Variants in CTNNBL1 observed in about 807,000 individuals in gnomAD.
CTNNBL1 encodes beta-catenin-like protein 1.
CTNNBL1 carries 31 observed loss-of-function variants against 72.7 expected under a neutral mutation model. The observed-to-expected ratio is 0.43, with a 90% CI of 0.32 to 0.58. The LOEUF (loss-of-function observed/expected upper bound fraction) is 0.58, where lower values mean the gene tolerates loss of function less well. Among genes scored for constraint, CTNNBL1 ranks in the 20% least tolerant of loss-of-function variants. The probability of loss-of-function intolerance (pLI) is 0.08; values close to 1 mark genes in which losing one functional copy is unlikely to be tolerated. For synonymous variants in CTNNBL1, 240 were observed against 267.3 expected (o/e 0.90, Z 1.00); for missense variants, 534 against 725.1 (o/e 0.74, Z 3.03).
rs188777747 is a variant in CTNNBL1 at position 37,809,809 on chromosome 20, A to G, written c.1213+6761A>G. ...TTGTTTGGCATTTGTACTGCCTATC[A>G]TAGTGCTTGGTGCATGGTAGGTGCT... On this transcript the variant is annotated intron_variant, in intron 11 of 15. Coordinates refer to ENST00000361383, the MANE Select transcript of CTNNBL1 (RefSeq NM_030877.5). Among the ~76,000 whole-genome samples, 861 of 152,294 alleles carry G rather than the reference A, an allele frequency of 5.7e-3. 4 individuals carry two copies. The highest frequency in any genetic ancestry group is 9.2e-3 in the Non-Finnish European group (625 of 68,022).
intron 11 of CTNNBL1, among the ~76,000 whole-genome samples, chr20:37,813,764 G>A (rs2072031534): frequency 6.6e-6 from 1 of 152,136 alleles, no homozygotes; most frequent in Non-Finnish European, 1.5e-5. Context: ...TAAAACAAAT[G>A]CCAGCAATGT....
chr20:37,694,364 C>T (rs1052184305), intron 1 of CTNNBL1, among the ~76,000 whole-genome samples: 1 of 152,194 alleles, frequency 6.6e-6, no homozygotes, highest in Non-Finnish European at 1.5e-5. Flanking sequence ...AGCCCTTCAC[C>T]TCCTCTTCCT....
At chr20:37,792,536 A>G (rs547361044) in intron 10 of CTNNBL1, among the ~76,000 whole-genome samples, 1 of 152,184 alleles carries the variant, frequency 6.6e-6, no homozygotes, top group Non-Finnish European at 1.5e-5. Flanking sequence ...TCTTTTTCCT[A>G]CAAACTGCTC....
rs557419028 is a variant in CTNNBL1 at position 37,696,904 on chromosome 20, G to A, written c.30+2752G>A. 1.7e-4 allele frequency among the ~76,000 whole-genome samples: 26 copies of A among 152,108 alleles called. No individual in the cohort carries two copies. The East Asian group carries it at 4.3e-3, about 25-fold the overall frequency. On this transcript the variant is annotated intron_variant, in intron 1 of 15. Transcript: ENST00000361383. ...GCTACTAGAAAATGTAAAGTGGGCC[G>A]GGTGTGGTAGCTCATGCCTGTAATC...
At chr20:37,798,860 T>C (rs2073800704) in intron 10 of CTNNBL1, among the ~76,000 whole-genome samples, 1 of 152,182 alleles carries the variant, frequency 6.6e-6, no homozygotes, top group African/African-American at 2.4e-5. Flanking sequence ...TTTTCCTGAG[T>C]GACTAAACAA....
intron 7 of CTNNBL1, among the ~76,000 whole-genome samples, chr20:37,773,171 C>T (rs771305180): frequency 2.6e-5 from 4 of 152,210 alleles, no homozygotes; most frequent in Admixed American, 6.5e-5. Flanking sequence ...ACATGTACAA[C>T]TGGTTGATGC....
At chr20:37,762,053 C>T (rs1446100314) in intron 5 of CTNNBL1, among the ~76,000 whole-genome samples, 1 of 152,056 alleles carries the variant, frequency 6.6e-6, no homozygotes, top group African/African-American at 2.4e-5. Context: ...AAGATATAAG[C>T]AGGGGAGTGG....
intron 1 of CTNNBL1, among the ~76,000 whole-genome samples, chr20:37,724,264 TCTC>T (rs1341123042): frequency 6.6e-6 from 1 of 152,118 alleles, no homozygotes; most frequent in African/African-American, 2.4e-5. Flanking sequence ...ACCCCCCTCT[TCTC>T]CTCTGTTGCC....
chr20:37,723,786 T>C (rs528786598), intron 1 of CTNNBL1, among the ~76,000 whole-genome samples: 19 of 152,220 alleles, frequency 1.2e-4, no homozygotes, highest in Non-Finnish European at 2.1e-4. Context: ...TACTTTGATC[T>C]CTAATTATGA....
At chr20:37,836,832 C>T (rs2072258468) in intron 11 of CTNNBL1, among the ~76,000 whole-genome samples, 1 of 152,120 alleles carries the variant, frequency 6.6e-6, no homozygotes. Flanking sequence ...TCGGTTTTTC[C>T]ATCATACAAT....
At chr20:37,848,472 C>G (rs1408337291) in intron 13 of CTNNBL1, among the ~76,000 whole-genome samples, 1 of 152,086 alleles carries the variant, frequency 6.6e-6, no homozygotes, top group African/African-American at 2.4e-5. Context: ...CTTCTTTAAA[C>G]CTGTGGTTCC....
intron 11 of CTNNBL1, among the ~76,000 whole-genome samples, chr20:37,810,707 T>C (rs369203165): frequency 2.4e-4 from 37 of 152,160 alleles, no homozygotes; most frequent in African/African-American, 8.4e-4. Flanking sequence ...GAAGGATACA[T>C]AGTATTTAAT....
chr20:37,794,218 C>A (rs1175019723), intron 10 of CTNNBL1, among the ~76,000 whole-genome samples: 3 of 152,014 alleles, frequency 2.0e-5, no homozygotes, highest in African/African-American at 7.2e-5. Flanking sequence ...CAGTTTCCTT[C>A]TGCCTAAATG....
At chr20:37,749,837 G>C (rs1346632773) in intron 4 of CTNNBL1, 2 of 152,012 alleles carry the variant, frequency 1.3e-5, no homozygotes, top group Non-Finnish European at 1.5e-5. Context: ...TGTCTTATCT[G>C]TGATCTATAA....
intron 1 of CTNNBL1, among the ~76,000 whole-genome samples, chr20:37,727,732 G>A (rs2073096663): frequency 6.6e-6 from 1 of 152,180 alleles, no homozygotes; most frequent in South Asian, 2.1e-4. Context: ...CTGGGGATTG[G>A]TTGTGTAAGA....
chr20:37,771,576 T>G (rs1312022904), intron 7 of CTNNBL1, among the ~76,000 whole-genome samples: 3 of 152,138 alleles, frequency 2.0e-5, no homozygotes, highest in Non-Finnish European at 4.4e-5. Context: ...ACCTTTTTTT[T>G]TTTTTAAACC....
At chr20:37,816,971 C>T (rs758776204) in intron 11 of CTNNBL1, among the ~76,000 whole-genome samples, 9 of 152,104 alleles carry the variant, frequency 5.9e-5, no homozygotes, top group Non-Finnish European at 1.2e-4. Context: ...TTGATGATGG[C>T]GATAGTGTGA....
intron 11 of CTNNBL1, 135 bp from the exon 12 acceptor site, chr20:37,839,967 C>A: frequency 1.6e-6 from 1 of 609,738 alleles, no homozygotes; most frequent in Non-Finnish European, 2.9e-6. Context: ...AATTTAGGTT[C>A]TTGTCTTATT....
intron 5 of CTNNBL1, 105 bp from the exon 6 acceptor site, chr20:37,765,088 TTTAC>T (rs1678998127): frequency 2.7e-6 from 2 of 743,712 alleles, no homozygotes; most frequent in Non-Finnish European, 4.7e-6. Flanking sequence ...TTGCTGCTTA[TTTAC>T]TTACTTTGTT....
Sources: gnomAD v4.1 joint callset for allele counts (sites outside exome capture counted in the v4.1 genomes callset) on GRCh38, gnomAD v4.1.1 for gene constraint, MANE v1.5 for transcripts, NCBI Gene and HGNC (gene_info 2026-07-23, HGNC 2026-07-21) for gene names.